The following IGF2BP2 variants were observed in gnomAD, a reference collection of about 807,000 sequenced individuals.
IGF2BP2 encodes the protein insulin-like growth factor 2 mRNA-binding protein 2.
A neutral mutation model predicts 75.8 loss-of-function variants in IGF2BP2; 17 were observed. The observed-to-expected ratio is 0.22, with a 90% confidence interval of 0.15 to 0.34. IGF2BP2 has a LOEUF of 0.34. Among genes scored for constraint, IGF2BP2 ranks in the 10% least tolerant of loss-of-function variants. The probability of loss-of-function intolerance (pLI) is 1.00; values close to 1 mark genes in which losing one functional copy is unlikely to be tolerated. For missense variants in IGF2BP2, 516 were observed against 772.4 expected (o/e 0.67, Z 3.93); for synonymous variants, 288 against 295.6 (o/e 0.97, Z 0.26).
At chr3:185,712,325 A>C (rs562929639) in intron 2 of IGF2BP2, among the ~76,000 whole-genome samples, 8 of 152,344 alleles carry the variant, frequency 5.3e-5, no homozygotes, top group Non-Finnish European at 1.0e-4. Context: ...AGTGTCTATA[A>C]GCAAAGAAAA....
intron 10 of IGF2BP2, among the ~76,000 whole-genome samples, chr3:185,670,579 T>C (rs764893527): frequency 2.6e-5 from 4 of 152,168 alleles, no homozygotes; most frequent in Non-Finnish European, 5.9e-5. Context: ...TATTTATTTA[T>C]TTATTTTGAG....
At chr3:185,712,512 C>G (rs1355606138) in intron 2 of IGF2BP2, 1 of 152,110 alleles carries the variant, frequency 6.6e-6, no homozygotes. Context: ...CAAGTGGGAA[C>G]TGGAGATACG....
intron 2 of IGF2BP2, among the ~76,000 whole-genome samples, chr3:185,790,690 G>A (rs1481576991): frequency 6.6e-6 from 1 of 152,148 alleles, no homozygotes; most frequent in Non-Finnish European, 1.5e-5. Context: ...GGGGAGCTAT[G>A]AATAGAAACA....
chr3:185,823,621 C>G (rs2150077922), intron 1 of IGF2BP2, among the ~76,000 whole-genome samples: 1 of 152,166 alleles, frequency 6.6e-6, no homozygotes, highest in African/African-American at 2.4e-5. Context: ...CCTCCCTGCC[C>G]TCTCCTCCCG....
chr3:185,698,158 T>C (rs1255867284), intron 3 of IGF2BP2, 141 bp downstream of exon 3: 8 of 666,540 alleles, frequency 1.2e-5, no homozygotes, highest in Middle Eastern at 2.5e-4. Context: ...ACAGATCACA[T>C]ACATTAGGGT....
In IGF2BP2 at chr3:185,647,169, T is replaced by C. The variant is rs2149030404; in HGVS notation, c.1594-31A>G. 2 of 1,511,024 alleles carry C rather than the reference T, an allele frequency of 1.3e-6. No individual in the cohort carries two copies. The highest frequency in any genetic ancestry group is 1.1e-5 in the South Asian group (1 of 89,058). The allele number at this position is 1,511,024 out of a possible 1,614,324, so 93.6% of individuals were successfully genotyped here. A position where few individuals can be genotyped will look rare whatever the true frequency, so the allele number is the denominator to read the frequency against. ...AAGGGAGAAACGGCAACGGGTTGGA[T>C]AGGTTCCCTCCCCGTCAACGTGGTG... On this transcript the variant is annotated intron_variant, in intron 14 of 15. Transcript: ENST00000382199. This position sits in a 1 kb window ranked among gnomAD's most constrained non-coding sequence, Gnocchi z 4.9.
intron 2 of IGF2BP2, chr3:185,716,437 T>C (rs536696435): frequency 5.9e-6 from 3 of 511,530 alleles, no homozygotes; most frequent in South Asian, 4.3e-5. Context: ...CTTTCCATAT[T>C]CAGCAGAAAC....
At chr3:185,736,039 C>T (rs1286587970) in intron 2 of IGF2BP2, among the ~76,000 whole-genome samples, 1 of 152,138 alleles carries the variant, frequency 6.6e-6, no homozygotes, top group African/African-American at 2.4e-5. Context: ...AGGAATCCAC[C>T]CTCCCTCTCA....
At chr3:185,686,413 G>A (rs1343965442) in intron 7 of IGF2BP2, among the ~76,000 whole-genome samples, 1 of 151,756 alleles carries the variant, frequency 6.6e-6, no homozygotes, top group Non-Finnish European at 1.5e-5. Flanking sequence ...GGGGGGTAGT[G>A]AGGAGGAAGG....
chr3:185,652,531 C>T (rs1040158134), intron 12 of IGF2BP2, among the ~76,000 whole-genome samples: 3 of 152,110 alleles, frequency 2.0e-5, no homozygotes, highest in African/African-American at 7.2e-5. Flanking sequence ...GCCAACCCAC[C>T]TAGGGCCCAA....
intron 10 of IGF2BP2, among the ~76,000 whole-genome samples, chr3:185,671,815 A>G (rs1718549842): frequency 6.6e-6 from 1 of 152,200 alleles, no homozygotes; most frequent in African/African-American, 2.4e-5. Context: ...CCATTTAAAC[A>G]GCATAAACAT....
intron 2 of IGF2BP2, among the ~76,000 whole-genome samples, chr3:185,732,604 T>A (rs1416319895): frequency 1.3e-5 from 2 of 152,198 alleles, no homozygotes; most frequent in African/African-American, 4.8e-5. Flanking sequence ...GGGAGACGGC[T>A]GGCCTCCTTC....
rs60731830 is a variant in IGF2BP2 at position 185,691,318 on chromosome 3, G to A, written c.404+1381C>T. On this transcript the variant is annotated intron_variant, in intron 5 of 15. Coordinates refer to ENST00000382199, the MANE Select transcript of IGF2BP2 (RefSeq NM_006548.6). ...TCTCCATGTTGGTCAGGCTGGTCTC[G>A]ATCTCCCAGCCTCAGGTGATCTGCC... Among the ~76,000 whole-genome samples, 1,019 of 151,284 alleles carry A rather than the reference G, an allele frequency of 6.7e-3. 13 individuals are homozygous for A. The highest frequency in any genetic ancestry group is 0.024 in the African/African-American group (975 of 41,188).
intron 2 of IGF2BP2, among the ~76,000 whole-genome samples, chr3:185,744,039 T>C (rs931259093): frequency 6.6e-6 from 1 of 152,208 alleles, no homozygotes; most frequent in Non-Finnish European, 1.5e-5. Context: ...CAAATCTCTG[T>C]ATGACACAAG....
At chr3:185,750,769 C>T (rs1422078091) in intron 2 of IGF2BP2, among the ~76,000 whole-genome samples, 1 of 152,168 alleles carries the variant, frequency 6.6e-6, no homozygotes, top group Admixed American at 6.5e-5. Context: ...ATAGCCCCTT[C>T]ACCTGTGTAC....
chr3:185,665,345 AG>A (rs1717240301), intron 10 of IGF2BP2, among the ~76,000 whole-genome samples: 1 of 129,630 alleles, frequency 7.7e-6, no homozygotes. Context: ...GAGGAGGAGA[AG>A]GAGGAGGAGG....
Position 185,692,757 on chromosome 3 carries a change from T to C in IGF2BP2, c.346A>G (p.Thr116Ala). Residue 116 changes from threonine (T) to alanine (A), a missense_variant, in exon 5 of 16, where the codon ACA becomes GCA. Thr to Ala is a moderately conservative substitution (Grantham distance 58). Around this residue, in one of 3 missense-constraint regions of IGF2BP2, gnomAD observed 312 missense variants for 474.5 expected, o/e 0.66. Transcript: ENST00000382199. ...GTVENVEQVN[T>A]DTETAVVNVT... ...TTGACAACGGCGGTTTCTGTGTCTG[T>C]GTTGACTAGGGAAAAGGCAAAAACT... 2 of 1,614,042 alleles carry C rather than the reference T, an allele frequency of 1.2e-6. No homozygotes were observed. The highest frequency in any genetic ancestry group is 1.1e-5 in the South Asian group (1 of 91,038).
chr3:185,756,483 C>T (rs1243968355), intron 2 of IGF2BP2, among the ~76,000 whole-genome samples: 1 of 152,200 alleles, frequency 6.6e-6, no homozygotes, highest in Non-Finnish European at 1.5e-5. Flanking sequence ...ACTAACTCAA[C>T]AAATCATGTT....
chr3:185,652,665 T>C (rs913396158), intron 12 of IGF2BP2, among the ~76,000 whole-genome samples: 2 of 152,166 alleles, frequency 1.3e-5, no homozygotes, highest in East Asian at 1.9e-4. Context: ...AGTTAGAGTA[T>C]GTGTGGTCAA....
Sources: gnomAD v4.1 joint callset for allele counts (sites outside exome capture counted in the v4.1 genomes callset) on GRCh38, gnomAD v4.1.1 for gene constraint, gnomAD v4.1.1 regional missense constraint, Gnocchi (gnomAD v3.1) non-coding constraint, MANE v1.5 for transcripts, NCBI Gene and HGNC (gene_info 2026-07-23, HGNC 2026-07-21) for gene names.